Variants in BRD4 observed in about 807,000 individuals in gnomAD.
BRD4 encodes bromodomain-containing protein 4.
BRD4 carries 16 observed loss-of-function variants against 142.1 expected under a neutral mutation model. That is an observed-to-expected ratio of 0.11 (90% CI 0.08 to 0.17). The LOEUF is 0.17. BRD4 is among the 10% of genes least tolerant of loss of function. The probability of loss-of-function intolerance (pLI) is 1.00; values close to 1 mark genes in which losing one functional copy is unlikely to be tolerated. For missense variants in BRD4, 1,424 were observed against 1,810.9 expected (o/e 0.79, Z 3.88); for synonymous variants, 833 against 707.5 (o/e 1.18, Z -2.82).
intron 13 of BRD4, 36 bp downstream of exon 13, chr19:15,244,195 G>A (rs2145515128): frequency 8.4e-6 from 13 of 1,539,326 alleles, no homozygotes; most frequent in Non-Finnish European, 1.1e-5. Context: ...AGGCAGGAAG[G>A]GGTCTCAACC....
At chr19:15,319,581 TCC>T (rs2048044186) in intron 1 of BRD4, among the ~76,000 whole-genome samples, 1 of 150,644 alleles carries the variant, frequency 6.6e-6, no homozygotes, top group African/African-American at 2.4e-5. Flanking sequence ...GCCACTGCAC[TCC>T]AGCCTGGGCA....
chr19:15,292,238 T>C (rs1006715151), intron 1 of BRD4, among the ~76,000 whole-genome samples: 2 of 152,186 alleles, frequency 1.3e-5, no homozygotes, highest in Non-Finnish European at 2.9e-5. Context: ...TCAGAAGTTA[T>C]ACAACTCTCA....
intron 1 of BRD4, among the ~76,000 whole-genome samples, chr19:15,298,365 C>T (rs1055871501): frequency 2.6e-5 from 4 of 152,106 alleles, no homozygotes; most frequent in Admixed American, 6.5e-5. Flanking sequence ...TGGCCGGGCA[C>T]GGTGGCTCAC....
At chr19:15,322,667 A>T (rs2048072398) in intron 1 of BRD4, among the ~76,000 whole-genome samples, 1 of 141,378 alleles carries the variant, frequency 7.1e-6, no homozygotes, top group African/African-American at 2.7e-5. Context: ...CCTGGTTAAC[A>T]CAGTGAAACC....
At position 15,263,561 on chromosome 19, in the gene BRD4, A is replaced by G. The variant is rs1268097237; in HGVS notation, c.1213-13T>C. The G allele has an allele frequency of 6.2e-7, 1 of 1,613,956 alleles. No homozygotes were observed. The highest frequency in any genetic ancestry group is 8.5e-7 in the Non-Finnish European group (1 of 1,179,828). On this transcript the variant is annotated splice_polypyrimidine_tract_variant and intron_variant, in intron 6 of 19. Transcript: ENST00000679869. ...CCTCCAGTTTAGACTGGAAAACAAG[A>G]CAAGTCCCTGTTAGCTGTGTCTGCC...
At chr19:15,302,608 G>A (rs906412632) in intron 1 of BRD4, among the ~76,000 whole-genome samples, 3 of 129,820 alleles carry the variant, frequency 2.3e-5, no homozygotes, top group Non-Finnish European at 4.6e-5. Context: ...GGCGGAAGTT[G>A]CAGTGAGCTG....
chr19:15,245,610 C>T (rs1195410976), intron 11 of BRD4, among the ~76,000 whole-genome samples: 4 of 152,014 alleles, frequency 2.6e-5, no homozygotes, highest in Non-Finnish European at 4.4e-5. Flanking sequence ...CCACCTCTGT[C>T]CTCACCCCAG....
intron 6 of BRD4, chr19:15,264,174 G>A: frequency 1.9e-6 from 1 of 521,808 alleles, no homozygotes; most frequent in Non-Finnish European, 3.3e-6. Context: ...TCAGACTAGG[G>A]GAAGGGGCAG....
chr19:15,294,976 T>C (rs926911631), intron 1 of BRD4, among the ~76,000 whole-genome samples: 5 of 152,234 alleles, frequency 3.3e-5, no homozygotes, highest in Admixed American at 3.3e-4. Flanking sequence ...CTATGAATGT[T>C]TTCCGTCTAA....
At chr19:15,250,376 G>A (rs887939755) in intron 11 of BRD4, among the ~76,000 whole-genome samples, 3 of 152,208 alleles carry the variant, frequency 2.0e-5, no homozygotes, top group African/African-American at 7.2e-5. Flanking sequence ...GCCTGGAGAT[G>A]GACTAAGTCC....
At chr19:15,254,730 CAGGTAGGGGCCCA>C (rs2047387092) in intron 10 of BRD4, among the ~76,000 whole-genome samples, 1 of 152,064 alleles carries the variant, frequency 6.6e-6, no homozygotes, top group African/African-American at 2.4e-5. Context: ...TGGTGTGCCC[CAGGTAGGGGCCCA>C]AGGACCCCAG....
At chr19:15,261,339 T>C (rs2047468973) in intron 7 of BRD4, among the ~76,000 whole-genome samples, 1 of 152,022 alleles carries the variant, frequency 6.6e-6, no homozygotes, top group South Asian at 2.1e-4. Flanking sequence ...AAAAATTAGC[T>C]GGGCGTGGTG....
chr19:15,321,689 G>A (rs1241198967), intron 1 of BRD4, among the ~76,000 whole-genome samples: 3 of 152,118 alleles, frequency 2.0e-5, no homozygotes, highest in Non-Finnish European at 4.4e-5. Context: ...TTATACCAGA[G>A]AAAGACATAA....
chr19:15,253,592 G>A (rs767839470), intron 11 of BRD4: 1 of 1,589,386 alleles, frequency 6.3e-7, no homozygotes, highest in Non-Finnish European at 8.5e-7. Context: ...GCACACTCTG[G>A]GGAGGGGTAG....
chr19:15,256,410 C>T (rs2047409413), intron 8 of BRD4, 147 bp from the exon 9 acceptor site: 1 of 977,626 alleles, frequency 1.0e-6, no homozygotes, highest in Non-Finnish European at 1.5e-6. Flanking sequence ...GAAGGGAAGG[C>T]CCCCAGCTTT....
intron 1 of BRD4, among the ~76,000 whole-genome samples, chr19:15,327,813 T>TA (rs2048121959): frequency 1.4e-5 from 2 of 147,394 alleles, no homozygotes; most frequent in Admixed American, 1.4e-4. Flanking sequence ...GAAATATCCA[T>TA]AACAGGCAGA....
In BRD4 at chr19:15,256,076, T is replaced by C. The variant is rs1555737659; in HGVS notation, c.1739A>G (p.Asn580Ser). 7.4e-6 allele frequency: 12 copies of C among 1,611,660 alleles called. No homozygotes were observed. In the South Asian group the frequency reaches 1.3e-4, roughly 18 times the overall value. ...AGGGGACACAGACCTCACATTGCTG[T>C]TGCTGCTATTATTTTTCTTCGTCTT... is the stretch of plus-strand genomic sequence containing the variant. ...PKKTKKNNSS[N>S]SNVSKKEPAP... The change falls in exon 9 of 20, where the codon AAC becomes AGC. Residue 580 changes from asparagine (N) to serine (S), a missense_variant. Transcript: ENST00000679869.
At position 15,238,125 on chromosome 19, in the gene BRD4, C is replaced by T. The variant is rs183154747; in HGVS notation, c.*252G>A. 7.3e-4 allele frequency: 390 copies of T among 531,892 alleles called. 2 individuals carry two copies. The highest frequency in any genetic ancestry group is 1.1e-4 in the South Asian group (5 of 45,296). The allele number at this position is 531,892 out of a possible 1,614,324, so 32.9% of individuals were successfully genotyped here. A position where few individuals can be genotyped will look rare whatever the true frequency, so the allele number is the denominator to read the frequency against. ...GGCTTGGGTCCAGCCGGCACTTGCT[C>T]GTAACAAGGCGTGTGCTGAGCGGAC... is the stretch of plus-strand genomic sequence containing the variant. On this transcript the variant is annotated 3_prime_UTR_variant, in exon 20 of 20. Transcript: ENST00000679869. The surrounding 1 kb of genome is among the most constrained non-coding windows in gnomAD (Gnocchi z 7.2).
At position 15,237,738 on chromosome 19, in the gene BRD4, A is replaced by G. The variant is rs1332067213; in HGVS notation, c.*639T>C. 1 of 232,656 alleles carries G rather than the reference A, an allele frequency of 4.3e-6. No homozygotes were observed. The highest frequency in any genetic ancestry group is 2.2e-5 in the African/African-American group (1 of 45,260). The allele number at this position is 232,656 out of a possible 1,614,324, so 14.4% of individuals were successfully genotyped here. A position where few individuals can be genotyped will look rare whatever the true frequency, so the allele number is the denominator to read the frequency against. On this transcript the variant is annotated 3_prime_UTR_variant, in exon 20 of 20. Coordinates refer to ENST00000679869, the MANE Select transcript of BRD4 (RefSeq NM_001379291.1). ...ACGCAGGACAGTCGCCTCGCTCCGG[A>G]TGCCATGGACACACACACCTCCACG...
Sources: gnomAD v4.1 joint callset for allele counts (sites outside exome capture counted in the v4.1 genomes callset) on GRCh38, gnomAD v4.1.1 for gene constraint, Gnocchi (gnomAD v3.1) non-coding constraint, MANE v1.5 for transcripts, NCBI Gene and HGNC (gene_info 2026-07-23, HGNC 2026-07-21) for gene names.